Variants in TMEM232 observed in about 807,000 individuals in gnomAD.
TMEM232 encodes the protein transmembrane protein 232.
Under a neutral mutation model 78.8 loss-of-function variants are expected in TMEM232, and 80 were observed. That is an observed-to-expected ratio of 1.01 (90% CI 0.85 to 1.22). TMEM232 has a LOEUF of 1.22. Among genes scored for constraint, TMEM232 ranks in the 50% most tolerant of loss-of-function variants. TMEM232 has a pLI of 0.00. For synonymous variants in TMEM232, 297 were observed against 254.3 expected, an observed-to-expected ratio of 1.17 and a Z score of -1.60; for missense variants, 881 against 742.2, an observed-to-expected ratio of 1.19 and a Z score of -2.17.
chr5:110,551,227 T>G (rs1348427436), intron 11 of TMEM232, among the ~76,000 whole-genome samples: 1 of 147,448 alleles, frequency 6.8e-6, no homozygotes, highest in African/African-American at 2.5e-5. Flanking sequence ...TTGTTTGTTT[T>G]TGTTTGTTTG....
intron 7 of TMEM232, among the ~76,000 whole-genome samples, chr5:110,619,736 A>G (rs1287507972): frequency 1.3e-5 from 2 of 152,146 alleles, no homozygotes; most frequent in Non-Finnish European, 2.9e-5. Flanking sequence ...CTTTTCTCAA[A>G]TTGCTCTAGT....
intron 3 of TMEM232, 102 bp downstream of exon 3, chr5:110,642,158 A>C (rs1786821812): frequency 1.5e-6 from 1 of 648,034 alleles, no homozygotes; most frequent in East Asian, 3.6e-5. Context: ...TAATTAAAGA[A>C]AGATATATTC....
chr5:110,684,888 T>A (rs923718283), intron 1 of TMEM232: 1 of 152,006 alleles, frequency 6.6e-6, no homozygotes, highest in African/African-American at 2.4e-5. Context: ...TTCTGTACAG[T>A]CAATGCAAGC....
At chr5:110,590,637 T>A (rs986809542) in intron 10 of TMEM232, among the ~76,000 whole-genome samples, 4 of 152,098 alleles carry the variant, frequency 2.6e-5, no homozygotes, top group Non-Finnish European at 5.9e-5. Context: ...TGGGGACCAC[T>A]GAGATAAGAT....
rs184452428 is a variant in TMEM232, at chr5:110,704,627, C to T, written c.-13+22000G>A. ...TAATTAATATGGAAGTAGGGCAAACCTTTATTTTTCATTATCAAGTGGACA... is the reference window on the plus strand; with the variant it reads ...TAATTAATATGGAAGTAGGGCAAACTTTTATTTTTCATTATCAAGTGGACA... On this transcript the variant is annotated intron_variant, in intron 1 of 13. Transcript: ENST00000455884. Among the ~76,000 whole-genome samples the T allele has an allele frequency of 2.4e-3, 367 of 152,054 alleles. 6 individuals are homozygous for T. Among genetic ancestry groups the T allele is most frequent in the African/African-American group, 8.4e-3 (350 of 41,510 alleles).
At chr5:110,404,688 T>C (rs999187094) in intron 2 of TMEM232, among the ~76,000 whole-genome samples, 3 of 152,094 alleles carry the variant, frequency 2.0e-5, no homozygotes. Context: ...AATGGATAAG[T>C]AAACCTTATT....
At position 110,426,963 on chromosome 5, in the gene TMEM232, G is replaced by A. The variant is rs998210777; in HGVS notation, c.1704-2047C>T. 3.7e-4 allele frequency among the ~76,000 whole-genome samples: 57 copies of A among 152,084 alleles called. 1 individual carries two copies. The highest frequency in any genetic ancestry group is 1.3e-4 in the Non-Finnish European group (9 of 67,918). ...AAGAATTGTTTAAGTTTTAAAAAAT[G>A]TAGGCAACATAATATCAAAAGACCT... On this transcript the variant is annotated intron_variant, in intron 12 of 13. Transcript: ENST00000455884.
At chr5:110,649,445 A>G (rs1387598601) in intron 2 of TMEM232, among the ~76,000 whole-genome samples, 3 of 152,118 alleles carry the variant, frequency 2.0e-5, no homozygotes, top group Non-Finnish European at 4.4e-5. Context: ...ATTTCACAAC[A>G]AAAAATATAC....
chr5:110,472,140 T>C (rs1010434602), intron 12 of TMEM232, among the ~76,000 whole-genome samples: 13 of 151,822 alleles, frequency 8.6e-5, no homozygotes, highest in Admixed American at 3.9e-4. Context: ...TGATCTTATA[T>C]AGAAAAGCCA....
intron 3 of TMEM232, among the ~76,000 whole-genome samples, chr5:110,395,843 A>C (rs1755364760): frequency 6.6e-6 from 1 of 152,112 alleles, no homozygotes; most frequent in South Asian, 2.1e-4. Flanking sequence ...GAGGGAGCAC[A>C]CTTTTCTCTT....
intron 10 of TMEM232, among the ~76,000 whole-genome samples, chr5:110,604,645 A>G (rs1357492657): frequency 6.6e-6 from 1 of 152,154 alleles, no homozygotes; most frequent in Non-Finnish European, 1.5e-5. Context: ...CTTTTATTTC[A>G]GTTGTTTTAA....
chr5:110,597,960 C>T (rs1347503360), intron 10 of TMEM232, among the ~76,000 whole-genome samples: 1 of 152,136 alleles, frequency 6.6e-6, no homozygotes, highest in Non-Finnish European at 1.5e-5. Flanking sequence ...TGGGCAAGGA[C>T]TTCATGTCTA....
intron 12 of TMEM232, chr5:110,514,044 A>G (rs895804646): frequency 6.0e-6 from 1 of 166,808 alleles, no homozygotes; most frequent in African/African-American, 2.4e-5. Flanking sequence ...TTTAAACTCA[A>G]TTATTTCACA....
chr5:110,641,482 G>A (rs1021014917), intron 3 of TMEM232, among the ~76,000 whole-genome samples: 1 of 152,040 alleles, frequency 6.6e-6, no homozygotes, highest in African/African-American at 2.4e-5. Context: ...ACTGTTGCAG[G>A]GAACACTTGC....
At chr5:110,466,665 T>C (rs1762108046) in intron 12 of TMEM232, among the ~76,000 whole-genome samples, 1 of 150,864 alleles carries the variant, frequency 6.6e-6, no homozygotes, top group African/African-American at 2.5e-5. Flanking sequence ...CAGGCTGGAG[T>C]GCAGTGGCGC....
At chr5:110,658,079 G>A (rs893565437) in intron 2 of TMEM232, among the ~76,000 whole-genome samples, 2 of 151,954 alleles carry the variant, frequency 1.3e-5, no homozygotes, top group African/African-American at 2.4e-5. Context: ...CAATCTGAAG[G>A]GAATAAATAA....
intron 12 of TMEM232, among the ~76,000 whole-genome samples, chr5:110,486,940 A>G (rs1764527142): frequency 6.6e-6 from 1 of 151,956 alleles, no homozygotes; most frequent in South Asian, 2.1e-4. Context: ...TCTACCCATT[A>G]ATGAGCACGG....
At chr5:110,589,418 T>C (rs1779233790) in intron 10 of TMEM232, among the ~76,000 whole-genome samples, 1 of 152,284 alleles carries the variant, frequency 6.6e-6, no homozygotes, top group African/African-American at 2.4e-5. Flanking sequence ...TATAGGATAA[T>C]GACTGTCTGA....
intron 1 of TMEM232, among the ~76,000 whole-genome samples, chr5:110,716,185 AT>A (rs1324537062): frequency 3.3e-5 from 5 of 151,994 alleles, no homozygotes. Context: ...GGGTACTCGT[AT>A]TTGGCTCAGA....
Sources: allele counts gnomAD v4.1 joint callset (sites outside exome capture counted in the v4.1 genomes callset), GRCh38; gene constraint gnomAD v4.1.1; transcripts MANE v1.5; gene names NCBI Gene and HGNC (gene_info 2026-07-23, HGNC 2026-07-21).